The following TCERG1L variants were observed in gnomAD, a reference collection of about 807,000 sequenced individuals.
TCERG1L encodes the protein transcription elongation regulator 1-like protein.
A neutral mutation model predicts 56.3 loss-of-function variants in TCERG1L; 37 were observed. That is an observed-to-expected ratio of 0.66 (90% CI 0.51 to 0.87). The LOEUF is 0.87. Ranked by LOEUF, TCERG1L falls within the 40% of genes least tolerant of loss-of-function variation. TCERG1L has a pLI of 0.00. For missense variants in TCERG1L, 799 were observed against 774.2 expected (o/e 1.03, Z -0.38); for synonymous variants, 324 against 326.3 (o/e 0.99, Z 0.08).
rs774523397 is a variant in TCERG1L at position 131,208,950 on chromosome 10, CG to C, written c.857-42066del. On this transcript the variant is annotated intron_variant, in intron 4 of 11. Coordinates refer to ENST00000368642, the MANE Select transcript of TCERG1L (RefSeq NM_174937.4). ...GCAGGCGCCTGTAGTCCCAGCTACT[CG>C]GGAGGCCGAGGCAGGAGAATGGCGT... Among the ~76,000 whole-genome samples the C allele has an allele frequency of 2.2e-4, 33 of 150,928 alleles. No homozygotes were observed. In the East Asian group the frequency reaches 5.9e-3, roughly 27 times the overall value.
intron 3 of TCERG1L, among the ~76,000 whole-genome samples, chr10:131,277,572 C>G (rs1846406182): frequency 6.6e-6 from 1 of 152,232 alleles, no homozygotes. Context: ...CAGACGCAGG[C>G]ACTGTCCAGC....
At position 131,311,183 on chromosome 10, in the gene TCERG1L, A is replaced by T; in HGVS notation, c.342+111T>A. 1.1e-6 allele frequency: 1 copy of T among 872,792 alleles called. No individual in the cohort carries two copies. The highest frequency in any genetic ancestry group is 1.5e-6 in the Non-Finnish European group (1 of 682,442). 54.1% of individuals were successfully genotyped at this position (872,792 alleles called of 1,614,324 possible). On this transcript the variant is annotated intron_variant, in intron 1 of 11. Coordinates refer to ENST00000368642, the MANE Select transcript of TCERG1L (RefSeq NM_174937.4). The surrounding 1 kb of genome is among the most constrained non-coding windows in gnomAD (Gnocchi z 4.0). The stretch of plus-strand genomic sequence containing the variant: ...GTCCTGAGGGTTTGGGGCGGCGAGG[A>T]CCGCCGGGGAGGAGGGCGCGCGAGC...
At chr10:131,127,943 G>A (rs991379254) in intron 8 of TCERG1L, among the ~76,000 whole-genome samples, 12 of 152,176 alleles carry the variant, frequency 7.9e-5, no homozygotes, top group Non-Finnish European at 1.3e-4. Flanking sequence ...CCAGGTGGCA[G>A]AGGAACCACA....
At chr10:131,149,248 C>T (rs372221280) in intron 6 of TCERG1L, among the ~76,000 whole-genome samples, 1 of 151,564 alleles carries the variant, frequency 6.6e-6, no homozygotes, top group Non-Finnish European at 1.5e-5. Flanking sequence ...CTCATGGGCC[C>T]GTGGGGTGCT....
chr10:131,133,785 C>T (rs774193182), intron 8 of TCERG1L, among the ~76,000 whole-genome samples: 5 of 152,212 alleles, frequency 3.3e-5, no homozygotes, highest in Admixed American at 6.5e-5. Context: ...TTCCCTACCT[C>T]GGTGCATGGC....
intron 7 of TCERG1L, among the ~76,000 whole-genome samples, chr10:131,142,954 G>A (rs529767654): frequency 6.6e-6 from 1 of 152,132 alleles, no homozygotes; most frequent in South Asian, 2.1e-4. Context: ...CCTTCAGAGT[G>A]GGAGCGGGAG....
At chr10:131,255,647 G>A (rs566314325) in intron 4 of TCERG1L, among the ~76,000 whole-genome samples, 15 of 152,350 alleles carry the variant, frequency 9.8e-5, no homozygotes, top group African/African-American at 2.9e-4. Context: ...CAAAGAGAGG[G>A]TGAATTGGAG....
intron 4 of TCERG1L, among the ~76,000 whole-genome samples, chr10:131,177,157 C>T (rs1293668612): frequency 6.6e-6 from 1 of 151,208 alleles, no homozygotes; most frequent in Non-Finnish European, 1.5e-5. Context: ...CGTGTACACA[C>T]AGAGACACAT....
intron 1 of TCERG1L, among the ~76,000 whole-genome samples, chr10:131,310,718 G>A (rs1264218005): frequency 6.6e-6 from 1 of 152,216 alleles, no homozygotes; most frequent in Admixed American, 6.5e-5. Flanking sequence ...CAGGCCTGGG[G>A]CAGGGGAATC....
intron 8 of TCERG1L, among the ~76,000 whole-genome samples, chr10:131,119,285 C>T (rs1353896257): frequency 6.6e-6 from 1 of 152,028 alleles, no homozygotes; most frequent in East Asian, 1.9e-4. Context: ...TGGATTAATC[C>T]CAACGAATAC....
intron 3 of TCERG1L, among the ~76,000 whole-genome samples, chr10:131,285,119 T>G (rs988705946): frequency 1.3e-5 from 2 of 152,126 alleles, no homozygotes; most frequent in Non-Finnish European, 2.9e-5. Context: ...GGCTCACACC[T>G]TTAATCCCAG....
rs74160882 is a variant in TCERG1L at position 131,246,612 on chromosome 10, G to A, written c.856+13647C>T. 1.1e-4 allele frequency among the ~76,000 whole-genome samples: 9 copies of A among 85,560 alleles called. No homozygotes were observed. In the East Asian group the frequency reaches 2.3e-3, roughly 22 times the overall value. The allele number at this position is 85,560 out of a possible 152,430, so 56.1% of individuals were successfully genotyped here. ...CCTCCTCTCCCTCCCCTGCCCCACC[G>A]CACCCCACCCCACCCCACAGGGAGC... is the stretch of plus-strand genomic sequence containing the variant. On this transcript the variant is annotated intron_variant, in intron 4 of 11. Coordinates refer to ENST00000368642, the MANE Select transcript of TCERG1L (RefSeq NM_174937.4).
chr10:131,108,736 C>T (rs1382733937), intron 9 of TCERG1L, among the ~76,000 whole-genome samples: 1 of 152,228 alleles, frequency 6.6e-6, no homozygotes, highest in East Asian at 1.9e-4. Context: ...TCCCACTGGG[C>T]TGAGATGAGG....
intron 3 of TCERG1L, among the ~76,000 whole-genome samples, chr10:131,305,144 G>C (rs569849626): frequency 1.3e-5 from 2 of 152,048 alleles, no homozygotes; most frequent in East Asian, 3.9e-4. Context: ...GAGAGCATGC[G>C]CCACTTGCAT....
chr10:131,301,923 T>C (rs1031148243), intron 3 of TCERG1L, among the ~76,000 whole-genome samples: 5 of 152,080 alleles, frequency 3.3e-5, no homozygotes, highest in Non-Finnish European at 4.4e-5. Flanking sequence ...ATTTAAATAA[T>C]TGACCTGAGC....
At chr10:131,229,909 C>T (rs186546761) in intron 4 of TCERG1L, among the ~76,000 whole-genome samples, 35 of 152,274 alleles carry the variant, frequency 2.3e-4, no homozygotes, top group African/African-American at 7.5e-4. Context: ...CTGAGGAGAA[C>T]GTGATTTTGT....
chr10:131,202,535 C>T (rs924578442), intron 4 of TCERG1L, among the ~76,000 whole-genome samples: 12 of 152,138 alleles, frequency 7.9e-5, no homozygotes, highest in Admixed American at 6.5e-4. Flanking sequence ...AAGACAAGAT[C>T]ATGCCACTGC....
intron 9 of TCERG1L, among the ~76,000 whole-genome samples, chr10:131,114,004 A>C (rs1242619139): frequency 7.0e-6 from 1 of 142,388 alleles, no homozygotes; most frequent in East Asian, 2.4e-4. Flanking sequence ...ACAATAAAAC[A>C]AAACGAAAAA....
intron 4 of TCERG1L, among the ~76,000 whole-genome samples, chr10:131,231,289 G>C (rs1307650812): frequency 6.6e-6 from 1 of 152,232 alleles, no homozygotes; most frequent in African/African-American, 2.4e-5. Context: ...TGATCATAGA[G>C]CTACGCCATT....
Sources: allele counts gnomAD v4.1 joint callset (sites outside exome capture counted in the v4.1 genomes callset), GRCh38; gene constraint gnomAD v4.1.1; non-coding constraint Gnocchi (gnomAD v3.1); transcripts MANE v1.5; gene names NCBI Gene and HGNC (gene_info 2026-07-23, HGNC 2026-07-21).